The following EFR3B variants were observed in gnomAD, a reference collection of about 807,000 sequenced individuals.
The protein encoded by EFR3B is EFR3 homolog B.
In EFR3B, 64 loss-of-function variants were observed where a neutral mutation model predicts 104.7. That is an observed-to-expected ratio of 0.61 (90% CI 0.50 to 0.75). EFR3B has a LOEUF of 0.75. EFR3B is among the 30% of genes least tolerant of loss of function. The pLI, the probability that EFR3B is intolerant of heterozygous loss-of-function variation, is 0.00. For missense variants in EFR3B, 750 were observed against 1,078.5 expected (o/e 0.70, Z 4.27); for synonymous variants, 385 against 417.9 (o/e 0.92, Z 0.96).
intron 4 of EFR3B, among the ~76,000 whole-genome samples, chr2:25,119,594 G>C (rs547789432): frequency 6.6e-6 from 1 of 152,154 alleles, no homozygotes; most frequent in Non-Finnish European, 1.5e-5. Flanking sequence ...CCTCTTCTGC[G>C]TCACCACATC....
chr2:25,141,450 G>A lies in EFR3B; in HGVS notation c.1922+17G>A. 6.4e-7 allele frequency: 1 copy of A among 1,550,594 alleles called. No individual in the cohort carries two copies. The highest frequency in any genetic ancestry group is 8.7e-7 in the Non-Finnish European group (1 of 1,146,512). On this transcript the variant is annotated intron_variant, in intron 17 of 22. Coordinates refer to ENST00000403714, the MANE Select transcript of EFR3B (RefSeq NM_014971.2). The stretch of plus-strand genomic sequence containing the variant: ...GAGGCCCAGGTGAGGAGAGGACGGG[G>A]GACGTGGTCAGGGATCCCCAGGGCA...
At chr2:25,108,939 A>T (rs1196906626) in intron 4 of EFR3B, among the ~76,000 whole-genome samples, 1 of 151,996 alleles carries the variant, frequency 6.6e-6, no homozygotes, top group Non-Finnish European at 1.5e-5. Flanking sequence ...CCAGGAGGCG[A>T]AGGTTGCAGT....
chr2:25,103,667 C>G lies in EFR3B; in HGVS notation c.243C>G (p.Asp81Glu). The G allele has an allele frequency of 6.4e-7, 1 of 1,551,632 alleles. No individual in the cohort carries two copies. ...TGTGCATTGCTATGGAGGCTTTGGA[C>G]CAGCTGCTCATGGCCTGCCACTGCC... ...GYVCIAMEAL[D>E]QLLMACHCQS... Residue 81 changes from aspartate to glutamate, a missense_variant, in exon 4 of 23, where the codon GAC becomes GAG. Asp to Glu is a conservative substitution (Grantham distance 45, BLOSUM62 2). Coordinates refer to ENST00000403714, the MANE Select transcript of EFR3B (RefSeq NM_014971.2).
intron 1 of EFR3B, among the ~76,000 whole-genome samples, chr2:25,053,893 C>G (rs908130770): frequency 3.3e-5 from 5 of 152,132 alleles, no homozygotes; most frequent in Admixed American, 3.3e-4. Flanking sequence ...GGCGACAGAG[C>G]GAGACTCCGT....
rs1458950881 is a variant in EFR3B at position 25,151,968 on chromosome 2, A to T, written c.2246A>T (p.Glu749Val). The T allele has an allele frequency of 1.3e-6, 2 of 1,551,718 alleles. No homozygotes were observed. Among genetic ancestry groups the T allele is most frequent in the Non-Finnish European group, 1.7e-6 (2 of 1,147,004 alleles). The change falls in exon 21 of 23, where the codon GAG becomes GTG. Residue 749 changes from glutamate (E) to valine (V), a missense_variant. Glu to Val is a moderately radical substitution (Grantham distance 121). Transcript: ENST00000403714. ...QERERRRQVV[E>V]KFQKAPFEEI... is the part of the protein sequence containing the mutation. ...CGTGAGCGGCGGCGGCAGGTGGTGG[A>T]GAAGTTCCAGAAGGCACCCTTCGAG...
chr2:25,055,951 GT>G (rs1024667606), intron 1 of EFR3B, among the ~76,000 whole-genome samples: 2 of 152,156 alleles, frequency 1.3e-5, no homozygotes, highest in African/African-American at 4.8e-5. Context: ...AATCAGCTTT[GT>G]TTTTCTAGCA....
At chr2:25,141,949 C>G (rs1009860046) in intron 17 of EFR3B, among the ~76,000 whole-genome samples, 4 of 152,026 alleles carry the variant, frequency 2.6e-5, no homozygotes, top group African/African-American at 9.7e-5. Flanking sequence ...ATAAATAGGT[C>G]AATAAAATAG....
At chr2:25,062,220 C>T (rs572328303) in intron 1 of EFR3B, among the ~76,000 whole-genome samples, 7 of 152,310 alleles carry the variant, frequency 4.6e-5, no homozygotes, top group East Asian at 1.9e-4. Context: ...CTTCTAATTA[C>T]GTTTCAGAAA....
intron 1 of EFR3B, among the ~76,000 whole-genome samples, chr2:25,059,021 G>T (rs1668105506): frequency 6.6e-6 from 1 of 152,046 alleles, no homozygotes; most frequent in African/African-American, 2.4e-5. Context: ...ATTCACAATG[G>T]CCTAACCATA....
chr2:25,085,283 G>T (rs1001017039), intron 1 of EFR3B, among the ~76,000 whole-genome samples: 2 of 152,084 alleles, frequency 1.3e-5, no homozygotes, highest in Non-Finnish European at 2.9e-5. Context: ...ATTGGTCCTG[G>T]AACTCAAAGG....
intron 1 of EFR3B, chr2:25,081,292 C>T (rs1308345580): frequency 1.0e-6 from 1 of 974,414 alleles, no homozygotes; most frequent in African/African-American, 1.6e-5. Context: ...CGACCATCAG[C>T]TGAAACCTGC....
chr2:25,085,707 T>C (rs565906), intron 1 of EFR3B, among the ~76,000 whole-genome samples: 60,589 of 151,608 alleles, frequency 0.4, 14,223 homozygotes, highest in East Asian at 0.79. Flanking sequence ...TCAAGTGATT[T>C]GCCTGCCTCA....
chr2:25,103,691 C>T lies in EFR3B; in HGVS notation c.267C>T (p.Cys89=). 1.3e-6 allele frequency: 2 copies of T among 1,551,698 alleles called. 1 individual carries two copies. The highest frequency in any genetic ancestry group is 2.4e-5 in the South Asian group (2 of 84,058). The change falls in exon 4 of 23, where the codon TGC becomes TGT. Residue 89 remains cysteine, a synonymous_variant. Transcript: ENST00000403714. ...ACCAGCTGCTCATGGCCTGCCACTG[C>T]CAGAGCATCAACCTCTTCGTGGAGA... ...ALDQLLMACH[C]QSINLFVESF...
rs531091064 is a variant in EFR3B, at chr2:25,149,146, C to T, written c.2143-548C>T. On this transcript the variant is annotated intron_variant, in intron 19 of 22. Coordinates refer to ENST00000403714, the MANE Select transcript of EFR3B (RefSeq NM_014971.2). ...CGGGCAGATCATGAGTTCAGGAGTT[C>T]GGGACCAGCCTGACCAACATGGTGA... 8.6e-5 allele frequency among the ~76,000 whole-genome samples: 13 copies of T among 151,738 alleles called. No individual in the cohort carries two copies. In the East Asian group the frequency reaches 1.6e-3, roughly 18 times the overall value.
chr2:25,064,620 T>A (rs1164745394), intron 1 of EFR3B, among the ~76,000 whole-genome samples: 1 of 152,182 alleles, frequency 6.6e-6, no homozygotes, highest in African/African-American at 2.4e-5. Flanking sequence ...GGAATGCTTC[T>A]TACCCCCAGA....
Position 25,063,750 on chromosome 2 carries a change from G to A in EFR3B, c.7+21431G>A, listed in dbSNP as rs577925348. Among the ~76,000 whole-genome samples, 152 of 152,294 alleles carry A rather than the reference G, an allele frequency of 1.0e-3. 1 individual carries two copies. The highest frequency in any genetic ancestry group is 3.6e-3 in the African/African-American group (149 of 41,552). On this transcript the variant is annotated intron_variant, in intron 1 of 22. Transcript: ENST00000403714. ...TGTAATACATGTTTTACCATCAACCGATCCTTTTGATGACAGTGTGGCAGT... is the reference window on the plus strand; with the variant it reads ...TGTAATACATGTTTTACCATCAACCAATCCTTTTGATGACAGTGTGGCAGT...
rs1553396885 is a variant in EFR3B at position 25,139,133 on chromosome 2, C to G, written c.1797C>G (p.Tyr599Ter). Residue 599 changes from tyrosine (Y) to a stop codon, truncating the protein, a stop_gained, in exon 16 of 23, where the codon TAC (tyrosine) becomes TAG (stop). Transcript: ENST00000403714. LOFTEE classifies it high-confidence loss of function. ...CCCTCTATGCTCTGGGCGCAGCCTA[C>G]CTGAACCTCATCAGTCAGCTCACAA... is the stretch of plus-strand genomic sequence containing the variant. ...RCALYALGAA[Y>*]LNLISQLTTV... The G allele has an allele frequency of 6.4e-7, 1 of 1,551,720 alleles. No homozygotes were observed.
chr2:25,141,518 T>A, intron 17 of EFR3B, 85 bp downstream of exon 17: 1 of 1,416,400 alleles, frequency 7.1e-7, no homozygotes, highest in Non-Finnish European at 9.6e-7. Context: ...GAGGGGTCAA[T>A]GCCAGGAGGC....
intron 1 of EFR3B, among the ~76,000 whole-genome samples, chr2:25,055,756 C>G (rs533137516): frequency 7.4e-6 from 1 of 134,906 alleles, no homozygotes; most frequent in South Asian, 2.8e-4. Flanking sequence ...TTCCTAGCAC[C>G]TTATAGCTGC....
Sources: gnomAD v4.1 joint callset for allele counts (sites outside exome capture counted in the v4.1 genomes callset) on GRCh38, gnomAD v4.1.1 for gene constraint, MANE v1.5 for transcripts, NCBI Gene and HGNC (gene_info 2026-07-23, HGNC 2026-07-21) for gene names.